The following LIN28B variants were observed in gnomAD, a reference collection of about 807,000 sequenced individuals.
LIN28B encodes the protein lin-28 RNA binding posttranscriptional regulator B.
Under a neutral mutation model 21.9 loss-of-function variants are expected in LIN28B, and 5 were observed. The ratio of observed to expected loss-of-function variants is 0.23; its 90% CI spans 0.12 to 0.48. The LOEUF (loss-of-function observed/expected upper bound fraction) is 0.48, where lower values mean the gene tolerates loss of function less well. Ranked by LOEUF, LIN28B falls within the 20% of genes least tolerant of loss-of-function variation. LIN28B has a pLI of 0.98. For missense variants in LIN28B, 245 were observed against 310.5 expected (o/e 0.79, Z 1.58); for synonymous variants, 109 against 111.3 (o/e 0.98, Z 0.13).
intron 2 of LIN28B, among the ~76,000 whole-genome samples, chr6:104,941,725 G>A (rs1056265593): frequency 6.6e-5 from 10 of 152,324 alleles, no homozygotes; most frequent in Non-Finnish European, 1.2e-4. Flanking sequence ...GGGGAAGAAC[G>A]CACTTGGATT....
At chr6:105,010,814 A>G (rs189430976) in intron 2 of LIN28B, among the ~76,000 whole-genome samples, 2 of 152,326 alleles carry the variant, frequency 1.3e-5, no homozygotes, top group Admixed American at 1.3e-4. Flanking sequence ...ATCTCAAGAC[A>G]TGGAACATTA....
At chr6:105,032,574 A>T (rs9500018) in intron 3 of LIN28B, among the ~76,000 whole-genome samples, 15,983 of 152,000 alleles carry the variant, frequency 0.11, 873 homozygotes, top group African/African-American at 0.14. Context: ...AAAGTAAAAA[A>T]ATTAGCTGGG....
At chr6:105,065,279 G>A (rs1772200156) in intron 3 of LIN28B, among the ~76,000 whole-genome samples, 1 of 152,196 alleles carries the variant, frequency 6.6e-6, no homozygotes, top group South Asian at 2.1e-4. Flanking sequence ...AGGAGGAAAG[G>A]AAGTAGCCAT....
chr6:105,036,215 C>G (rs897862165), intron 3 of LIN28B, among the ~76,000 whole-genome samples: 10 of 152,082 alleles, frequency 6.6e-5, no homozygotes, highest in African/African-American at 2.2e-4. Context: ...CTTTATTTTA[C>G]ATTTGTTTGT....
chr6:105,046,093 C>T (rs572737533), intron 3 of LIN28B, among the ~76,000 whole-genome samples: 47 of 152,080 alleles, frequency 3.1e-4, no homozygotes, highest in East Asian at 7.7e-4. Flanking sequence ...TGTATACATG[C>T]GCCATGTTGG....
At position 105,007,363 on chromosome 6, in the gene LIN28B, C is replaced by T. The variant is rs1026301349; in HGVS notation, c.199-18935C>T. Among the ~76,000 whole-genome samples, 10 of 152,136 alleles carry T rather than the reference C, an allele frequency of 6.6e-5. No individual in the cohort carries two copies. In the South Asian group the frequency reaches 1.0e-3, roughly 16 times the overall value. On this transcript the variant is annotated intron_variant, in intron 2 of 3. Coordinates refer to ENST00000345080, the MANE Select transcript of LIN28B (RefSeq NM_001004317.4). ...AACAGAGTCAGATGCTTGAAAGAATCGTGGGACATTTTTGTTTCTGTGTTG... is the reference window on the plus strand; with the variant it reads ...AACAGAGTCAGATGCTTGAAAGAATTGTGGGACATTTTTGTTTCTGTGTTG...
chr6:104,984,200 G>A (rs1357572872), intron 2 of LIN28B, among the ~76,000 whole-genome samples: 1 of 152,126 alleles, frequency 6.6e-6, no homozygotes, highest in East Asian at 1.9e-4. Flanking sequence ...AGCCCAGTAT[G>A]CGTTTAAAAA....
At chr6:105,038,011 G>A (rs887920043) in intron 3 of LIN28B, among the ~76,000 whole-genome samples, 6 of 151,970 alleles carry the variant, frequency 3.9e-5, no homozygotes, top group African/African-American at 1.4e-4. Context: ...ATATTAGAAG[G>A]AAATACAGGA....
At chr6:105,026,565 A>G in intron 3 of LIN28B, 83 bp downstream of exon 3, 1 of 893,076 alleles carries the variant, frequency 1.1e-6, no homozygotes. Context: ...ACTGCATTTC[A>G]TATTGTCTAG....
chr6:104,965,818 A>T (rs1007482926), intron 2 of LIN28B, among the ~76,000 whole-genome samples: 1 of 152,216 alleles, frequency 6.6e-6, no homozygotes, highest in African/African-American at 2.4e-5. Context: ...GTACATATGC[A>T]TGTGTATTCA....
At chr6:104,968,570 G>A (rs2114586149) in intron 2 of LIN28B, among the ~76,000 whole-genome samples, 1 of 152,100 alleles carries the variant, frequency 6.6e-6, no homozygotes, top group Non-Finnish European at 1.5e-5. Flanking sequence ...TTTAAATCTT[G>A]TAAGTTTAAT....
intron 3 of LIN28B, among the ~76,000 whole-genome samples, chr6:105,048,248 A>G (rs543762718): frequency 7.9e-5 from 12 of 152,342 alleles, no homozygotes; most frequent in African/African-American, 2.4e-4. Flanking sequence ...AATTTCGTCA[A>G]AGGCCTTTTC....
chr6:105,043,029 G>A (rs765858555), intron 3 of LIN28B, among the ~76,000 whole-genome samples: 2 of 152,130 alleles, frequency 1.3e-5, no homozygotes, highest in Non-Finnish European at 2.9e-5. Flanking sequence ...CCTCTGAACT[G>A]TCCTTTGCTC....
chr6:105,055,919 C>CT (rs71006633), intron 3 of LIN28B, among the ~76,000 whole-genome samples: 60,866 of 83,450 alleles, frequency 0.73, 23,462 homozygotes, highest in South Asian at 0.83. Context: ...CCATGCCTGG[C>CT]TTTTTTTTTT....
chr6:104,958,186 A>G lies in LIN28B; in HGVS notation c.98A>G (p.His33Arg), dbSNP rs1291630655. ...TCCCAGGTTTTGCGCGGAACTGGCC[A>G]CTGTAAGTGGTTCAATGTGCGCATG... is the stretch of plus-strand genomic sequence containing the variant. ...EESQVLRGTG[H>R]CKWFNVRMGF... Residue 33 changes from histidine (H) to arginine (R), a missense_variant, in exon 2 of 4, where the codon CAC becomes CGC. Transcript: ENST00000345080. 1.9e-6 allele frequency: 3 copies of G among 1,608,862 alleles called. No individual in the cohort carries two copies. Among genetic ancestry groups the G allele is most frequent in the Admixed American group, 1.7e-5 (1 of 59,944 alleles).
intron 1 of LIN28B, 42 bp downstream of exon 1, chr6:104,957,302 T>A: frequency 6.9e-7 from 1 of 1,441,224 alleles, no homozygotes; most frequent in Non-Finnish European, 9.7e-7. Context: ...ATTTCTTTCT[T>A]CTTTTCTCCT....
chr6:105,070,168 G>A (rs557956520), intron 3 of LIN28B, among the ~76,000 whole-genome samples: 1 of 152,264 alleles, frequency 6.6e-6, no homozygotes, highest in South Asian at 2.1e-4. Context: ...CATCTCCTGG[G>A]AAACTTTAAA....
rs1415324308 is a variant in LIN28B, at chr6:105,015,619, GCTGT to G, written c.199-10674_199-10671del. On this transcript the variant is annotated intron_variant, in intron 2 of 3. Coordinates refer to ENST00000345080, the MANE Select transcript of LIN28B (RefSeq NM_001004317.4). ...GGTAACTGTTTTATGTCTTTCTGCT[GCTGT>G]CTGTGTTAATATGATATTTTTAAAA... Among the ~76,000 whole-genome samples the G allele has an allele frequency of 3.9e-5, 6 of 152,156 alleles. No individual in the cohort carries two copies. In the East Asian group the frequency reaches 7.7e-4, roughly 20 times the overall value.
chr6:104,962,127 T>G (rs1026466456), intron 2 of LIN28B, among the ~76,000 whole-genome samples: 1 of 152,170 alleles, frequency 6.6e-6, no homozygotes, highest in Admixed American at 6.5e-5. Context: ...TCTCCTCAGC[T>G]TATGTGCTTA....
Sources: allele counts gnomAD v4.1 joint callset (sites outside exome capture counted in the v4.1 genomes callset), GRCh38; gene constraint gnomAD v4.1.1; transcripts MANE v1.5; gene names NCBI Gene and HGNC (gene_info 2026-07-23, HGNC 2026-07-21).